BNC1: variants seen among roughly 807,000 people sequenced by gnomAD.
BNC1 encodes the protein zinc finger protein basonuclin-1.
A neutral mutation model predicts 66.5 loss-of-function variants in BNC1; 8 were observed. That is an observed-to-expected ratio of 0.12 (90% CI 0.07 to 0.22). The LOEUF (loss-of-function observed/expected upper bound fraction) is 0.22. Among genes scored for constraint, BNC1 ranks in the 10% least tolerant of loss-of-function variants. The pLI is 1.00. For synonymous variants in BNC1, 454 were observed against 452.6 expected (o/e 1.00, Z -0.04); for missense variants, 1,069 against 1,241.3 (o/e 0.86, Z 2.09).
chr15:83,263,712 C>T lies in BNC1; in HGVS notation c.1539G>A (p.Leu513=). Reference sequence around the variant, plus strand: ...GCTGTTCTGGGATTGAAGAGGACAACAGCGGGAGGGAAGGGAGTATCCCAG... The same window carrying T: ...GCTGTTCTGGGATTGAAGAGGACAATAGCGGGAGGGAAGGGAGTATCCCAG... ...NTPGILPSLP[L]LSSSIPEQLI... is the part of the protein sequence containing the mutation. Residue 513 remains leucine, a synonymous_variant, in exon 4 of 5, where the codon CTG becomes CTA. Coordinates refer to ENST00000345382, the MANE Select transcript of BNC1 (RefSeq NM_001717.4). The T allele has an allele frequency of 2.5e-6, 4 of 1,614,228 alleles. No individual in the cohort carries two copies. Among genetic ancestry groups the T allele is most frequent in the Non-Finnish European group, 3.4e-6 (4 of 1,180,042 alleles).
chr15:83,282,355 T>C (rs978212202), intron 1 of BNC1, among the ~76,000 whole-genome samples: 27 of 152,244 alleles, frequency 1.8e-4, no homozygotes, highest in Non-Finnish European at 3.7e-4. Flanking sequence ...TCGTATCTTA[T>C]TCGTTTTAAC....
intron 1 of BNC1, among the ~76,000 whole-genome samples, chr15:83,280,957 C>T (rs1326243792): frequency 6.6e-6 from 1 of 152,150 alleles, no homozygotes; most frequent in African/African-American, 2.4e-5. Context: ...ATTATCATTT[C>T]CCCAAGGCAG....
In BNC1 at chr15:83,263,986, C is replaced by T. The variant is rs375359195; in HGVS notation, c.1265G>A (p.Arg422Gln). The T allele has an allele frequency of 6.2e-6, 10 of 1,613,996 alleles. No individual in the cohort carries two copies. Among genetic ancestry groups the T allele is most frequent in the Admixed American group, 1.7e-5 (1 of 60,004 alleles). ...CAGGCTGTTCCTGAGGTCTTTGTCC[C>T]GGTTATTTCTGTTCATTGGCATGTG... ...RLHMPMNRNN[R>Q]DKDLRNSLNL... Residue 422 changes from arginine (R) to glutamine (Q), a missense_variant, in exon 4 of 5, where the codon CGG (arginine) becomes CAG (glutamine). Physicochemically the swap from Arg to Gln is conservative, Grantham distance 43. This residue lies in a region of BNC1 where 657 missense variants were observed against 715.8 expected (regional missense o/e 0.92). Coordinates refer to ENST00000345382, the MANE Select transcript of BNC1 (RefSeq NM_001717.4).
rs752924537 is a variant in BNC1 at position 83,257,899 on chromosome 15, T to C, written c.2528A>G (p.Glu843Gly). The C allele has an allele frequency of 5.0e-6, 8 of 1,614,134 alleles. No homozygotes were observed. The highest frequency in any genetic ancestry group is 6.8e-6 in the Non-Finnish European group (8 of 1,179,998). The change falls in exon 5 of 5, where the codon GAG (glutamate) becomes GGG (glycine). Residue 843 changes from glutamate (E) to glycine (G), a missense_variant. Glu to Gly is a moderately conservative substitution (Grantham distance 98). This residue lies in a region of BNC1 where 657 missense variants were observed against 715.8 expected (regional missense o/e 0.92). Transcript: ENST00000345382. ...PITQVHSASL[E>G]SYNSGPLSEG... is the part of the protein sequence containing the mutation. ...GCTCAAGGGGCCAGAGTTGTAGCTCTCCAGGCTGGCACTGTGGACTTGCGT... is the reference window on the plus strand; with the variant it reads ...GCTCAAGGGGCCAGAGTTGTAGCTCCCCAGGCTGGCACTGTGGACTTGCGT...
At chr15:83,271,838 T>C (rs540801165) in intron 1 of BNC1, among the ~76,000 whole-genome samples, 18 of 152,354 alleles carry the variant, frequency 1.2e-4, no homozygotes, top group Non-Finnish European at 2.1e-4. Flanking sequence ...TACAAATGTA[T>C]TAAATACATG....
intron 1 of BNC1, among the ~76,000 whole-genome samples, chr15:83,274,856 G>A (rs1010059546): frequency 1.3e-5 from 2 of 152,204 alleles, no homozygotes; most frequent in Non-Finnish European, 2.9e-5. Flanking sequence ...AGGCTACTGG[G>A]ATGGTCTCAA....
Position 83,264,590 on chromosome 15 carries a change from G to A in BNC1, c.661C>T (p.Pro221Ser), listed in dbSNP as rs1433663057. 1.2e-6 allele frequency: 2 copies of A among 1,614,046 alleles called. No homozygotes were observed. The highest frequency in any genetic ancestry group is 1.7e-6 in the Non-Finnish European group (2 of 1,180,022). ...CTGCTGGGGTTTCCTTTGTCCACAG[G>A]AGTGGGGAGGCTAGAACTCCTGTGA... ...CSHRSSSLPT[P>S]VDKGNPSSIH... Residue 221 changes from proline to serine, a missense_variant, in exon 4 of 5, where the codon CCT (proline) becomes TCT (serine). Pro to Ser is a moderately conservative substitution (Grantham distance 74, BLOSUM62 -1). Around this residue, in one of 7 missense-constraint regions of BNC1, gnomAD observed 181 missense variants for 181.5 expected, o/e 1.00. Transcript: ENST00000345382.
intron 1 of BNC1, 97 bp downstream of exon 1, chr15:83,284,433 C>G: frequency 1.3e-6 from 1 of 785,480 alleles, no homozygotes; most frequent in Non-Finnish European, 1.6e-6. Context: ...CGGGAGGTGG[C>G]CCTCGGGTAC....
intron 2 of BNC1, among the ~76,000 whole-genome samples, chr15:83,267,724 T>C (rs886682455): frequency 6.6e-5 from 10 of 152,250 alleles, no homozygotes; most frequent in Admixed American, 3.9e-4. Flanking sequence ...AGATAAACAA[T>C]GAATGGGTAG....
chr15:83,262,051 T>C (rs1003736116), intron 4 of BNC1, among the ~76,000 whole-genome samples: 1 of 148,200 alleles, frequency 6.7e-6, no homozygotes, highest in African/African-American at 2.5e-5. Flanking sequence ...TCATGTTTTT[T>C]TTTTTTTTTT....
intron 4 of BNC1, among the ~76,000 whole-genome samples, chr15:83,258,776 C>T (rs1336624112): frequency 6.6e-6 from 1 of 152,308 alleles, no homozygotes; most frequent in East Asian, 1.9e-4. Flanking sequence ...GGATACTGAA[C>T]ACCTGAAATG....
chr15:83,284,346 CGCCTCCCGGCCGGAGA>C (rs1261355962), intron 1 of BNC1, among the ~76,000 whole-genome samples, 168 bp downstream of exon 1: 1 of 151,758 alleles, frequency 6.6e-6, no homozygotes, highest in Non-Finnish European at 1.5e-5. Flanking sequence ...CCCCCGCCGC[CGCCTCCCGGCCGGAGA>C]CCACGGTCCC....
intron 1 of BNC1, among the ~76,000 whole-genome samples, chr15:83,273,540 T>C (rs2038288549): frequency 6.6e-6 from 1 of 152,214 alleles, no homozygotes; most frequent in Non-Finnish European, 1.5e-5. Context: ...TCAGACTATT[T>C]TCAGAATTGT....
rs548854215 is a variant in BNC1 at position 83,258,879 on chromosome 15, A to G, written c.2301-753T>C. Among the ~76,000 whole-genome samples, 8 of 150,536 alleles carry G rather than the reference A, an allele frequency of 5.3e-5. No individual in the cohort carries two copies. In the South Asian group the frequency reaches 1.7e-3, roughly 32 times the overall value. ...CTGCATCTGCTTTTTTACAGTGGCT[A>G]TAATATTTAAAATTTCATATGAAGC... On this transcript the variant is annotated intron_variant, in intron 4 of 4. Coordinates refer to ENST00000345382, the MANE Select transcript of BNC1 (RefSeq NM_001717.4).
intron 1 of BNC1, among the ~76,000 whole-genome samples, chr15:83,269,752 G>T (rs2038252030): frequency 1.3e-5 from 2 of 152,064 alleles, no homozygotes; most frequent in Non-Finnish European, 2.9e-5. Context: ...CCAAAAACAT[G>T]TCTACAAAAA....
At chr15:83,274,558 G>T (rs2038300717) in intron 1 of BNC1, among the ~76,000 whole-genome samples, 1 of 152,162 alleles carries the variant, frequency 6.6e-6, no homozygotes, top group African/African-American at 2.4e-5. Context: ...ATGGTAGGTA[G>T]ATTAGCCACC....
At position 83,263,538 on chromosome 15, in the gene BNC1, C is replaced by G; in HGVS notation, c.1713G>C (p.Val571=). The change falls in exon 4 of 5, where the codon GTG becomes GTC. Residue 571 remains valine, a synonymous_variant. Coordinates refer to ENST00000345382, the MANE Select transcript of BNC1 (RefSeq NM_001717.4). ...AGGCCTCCTGCTCATCTTCACTGAC[C>G]ACCTGTAGGGGCATGTCTTCATCTG... The part of the protein sequence containing the change: ...LSSDEDMPLQ[V]VSEDEQEACS... The G allele has an allele frequency of 6.2e-7, 1 of 1,614,244 alleles. No homozygotes were observed.
intron 1 of BNC1, among the ~76,000 whole-genome samples, chr15:83,283,878 G>A (rs2038411824): frequency 1.3e-5 from 2 of 152,204 alleles, no homozygotes; most frequent in Admixed American, 1.3e-4. Flanking sequence ...TCAGTCGTGG[G>A]TTTTTTGTTC....
At chr15:83,284,398 G>A (rs1486469327) in intron 1 of BNC1, 132 bp downstream of exon 1, 2 of 516,634 alleles carry the variant, frequency 3.9e-6, no homozygotes, top group Non-Finnish European at 5.0e-6. Flanking sequence ...GGGCCGCGCT[G>A]CCGCGCAGGT....
Sources: allele counts gnomAD v4.1 joint callset (sites outside exome capture counted in the v4.1 genomes callset), GRCh38; gene constraint gnomAD v4.1.1; regional missense constraint gnomAD v4.1.1; transcripts MANE v1.5; gene names NCBI Gene and HGNC (gene_info 2026-07-23, HGNC 2026-07-21).